DDX31: variants seen among roughly 807,000 people sequenced by gnomAD.
DDX31 encodes the protein DEAD-box helicase 31.
DDX31 carries 70 observed loss-of-function variants against 91.3 expected under a neutral mutation model. That is an observed-to-expected ratio of 0.77 (90% CI 0.63 to 0.94). The LOEUF (loss-of-function observed/expected upper bound fraction) is 0.94. Ranked by LOEUF, DDX31 falls within the 40% of genes least tolerant of loss-of-function variation. The probability of loss-of-function intolerance (pLI) is 0.00; values close to 1 mark genes in which losing one functional copy is unlikely to be tolerated. For missense variants in DDX31, 902 were observed against 925.0 expected (o/e 0.98, Z 0.32); for synonymous variants, 362 against 350.6 (o/e 1.03, Z -0.36).
At chr9:132,647,141 AC>A in intron 11 of DDX31, 83 bp from the exon 12 acceptor site, 2 of 1,263,674 alleles carry the variant, frequency 1.6e-6, no homozygotes, top group Non-Finnish European at 2.3e-6. Flanking sequence ...TACAGCACCC[AC>A]CCATGTATGT....
intron 13 of DDX31, among the ~76,000 whole-genome samples, chr9:132,643,470 G>A (rs1031685393): frequency 3.3e-5 from 5 of 152,244 alleles, no homozygotes; most frequent in African/African-American, 1.2e-4. Flanking sequence ...CGTAGATTTT[G>A]TCCATGGCTG....
intron 6 of DDX31, among the ~76,000 whole-genome samples, chr9:132,653,074 T>C (rs1297826523): frequency 2.0e-5 from 3 of 149,352 alleles, no homozygotes; most frequent in African/African-American, 4.9e-5. Context: ...AATTAGAAAA[T>C]AGGAAACAAA....
intron 18 of DDX31, among the ~76,000 whole-genome samples, chr9:132,617,601 C>A (rs1005613576): frequency 6.6e-6 from 1 of 152,158 alleles, no homozygotes; most frequent in Non-Finnish European, 1.5e-5. Context: ...CTCAAAATAG[C>A]AGGCAACTAA....
Position 132,669,893 on chromosome 9 carries a change from C to T in DDX31, c.42G>A (p.Thr14=). The part of the protein sequence containing the change: ...ADGSLFDNPR[T]FSRRPPAQAS... ...CCTGGGCTGGGGGACGTCTGGAGAA[C>T]GTCCTGGGGTTGTCGAAGAGCGAAC... The change falls in exon 1 of 20, where the codon ACG becomes ACA. Residue 14 remains threonine, a synonymous_variant. Transcript: ENST00000372159. 6 of 1,596,466 alleles carry T rather than the reference C, an allele frequency of 3.8e-6. No homozygotes were observed. The highest frequency in any genetic ancestry group is 5.1e-6 in the Non-Finnish European group (6 of 1,172,520).
intron 14 of DDX31, chr9:132,638,315 T>C: frequency 1.9e-6 from 3 of 1,613,976 alleles, no homozygotes; most frequent in Non-Finnish European, 2.5e-6. Flanking sequence ...AACATAATGA[T>C]GGTATTAAAA....
chr9:132,638,193 C>A, intron 14 of DDX31: 1 of 1,470,716 alleles, frequency 6.8e-7, no homozygotes, highest in East Asian at 2.5e-5. Context: ...CATCCAGGGA[C>A]AATCAAGGAC....
chr9:132,601,422 G>C (rs1264178940), intron 19 of DDX31, among the ~76,000 whole-genome samples: 1 of 152,214 alleles, frequency 6.6e-6, no homozygotes, highest in Non-Finnish European at 1.5e-5. Flanking sequence ...CCAGTGGACA[G>C]TGGTGCCATC....
At chr9:132,650,213 A>G (rs376555427) in intron 9 of DDX31, 21 bp downstream of exon 9, 8 of 1,612,924 alleles carry the variant, frequency 5.0e-6, no homozygotes, top group Non-Finnish European at 6.8e-6. Context: ...AGGAAACAAC[A>G]ACCAACAAAC....
intron 17 of DDX31, among the ~76,000 whole-genome samples, chr9:132,619,015 C>A (rs1276863802): frequency 6.6e-6 from 1 of 152,190 alleles, no homozygotes; most frequent in Non-Finnish European, 1.5e-5. Context: ...TGGCCAGGAA[C>A]CTATTAAGGA....
chr9:132,650,842 A>G (rs1020938804), intron 8 of DDX31, among the ~76,000 whole-genome samples: 2 of 152,224 alleles, frequency 1.3e-5, no homozygotes, highest in African/African-American at 4.8e-5. Flanking sequence ...GCTAGTGACT[A>G]TGATGAACAA....
intron 13 of DDX31, among the ~76,000 whole-genome samples, chr9:132,643,139 C>T (rs1833603840): frequency 6.6e-6 from 1 of 152,178 alleles, no homozygotes; most frequent in African/African-American, 2.4e-5. Flanking sequence ...TTTAATATTG[C>T]AATCAATGCT....
chr9:132,638,030 GAGA>G, intron 14 of DDX31: 2 of 1,160,602 alleles, frequency 1.7e-6, no homozygotes, highest in South Asian at 5.1e-5. Context: ...AAAAAATACG[GAGA>G]AGGTGGAGGA....
chr9:132,602,911 C>T (rs1209567669), intron 19 of DDX31, among the ~76,000 whole-genome samples: 1 of 152,180 alleles, frequency 6.6e-6, no homozygotes, highest in African/African-American at 2.4e-5. Context: ...TGCTATTTCA[C>T]CCAATACAGA....
Position 132,632,095 on chromosome 9 carries a change from T to TA in DDX31, c.1441-5dup, listed in dbSNP as rs1324557030. On this transcript the variant is annotated splice_polypyrimidine_tract_variant and splice_region_variant and intron_variant, in intron 14 of 19. Coordinates refer to ENST00000372159, the MANE Select transcript of DDX31 (RefSeq NM_022779.9). ...CTAAGCCCCGAGCTGCAACATCCTT[T>TA]AACAAAGAAAAGAATATGGTTTAAC... 14 of 1,612,358 alleles carry TA rather than the reference T, an allele frequency of 8.7e-6. No homozygotes were observed. The highest frequency in any genetic ancestry group is 1.2e-5 in the Non-Finnish European group (14 of 1,179,044).
At chr9:132,629,931 T>C (rs982643224) in intron 16 of DDX31, among the ~76,000 whole-genome samples, 1 of 152,330 alleles carries the variant, frequency 6.6e-6, no homozygotes, top group South Asian at 2.1e-4. Flanking sequence ...AAACCATTAA[T>C]TGCAAGAAAT....
intron 14 of DDX31, among the ~76,000 whole-genome samples, chr9:132,640,187 G>A (rs1356408976): frequency 6.6e-6 from 1 of 152,170 alleles, no homozygotes; most frequent in Non-Finnish European, 1.5e-5. Context: ...AGAAACGTAG[G>A]GTGCATTGGG....
chr9:132,632,145 G>T (rs374721647), intron 14 of DDX31, 54 bp from the exon 15 acceptor site: 6 of 1,545,622 alleles, frequency 3.9e-6, no homozygotes, highest in Non-Finnish European at 5.3e-6. Flanking sequence ...CCTTTCTGGG[G>T]TCCTGGATAT....
chr9:132,655,263 C>T (rs917044146), intron 6 of DDX31, among the ~76,000 whole-genome samples: 20 of 137,684 alleles, frequency 1.5e-4, no homozygotes, highest in Non-Finnish European at 2.5e-4. Flanking sequence ...CAGTAATTCA[C>T]GGTACATACA....
intron 16 of DDX31, among the ~76,000 whole-genome samples, chr9:132,629,486 C>T (rs372580240): frequency 6.6e-6 from 1 of 152,226 alleles, no homozygotes; most frequent in African/African-American, 2.4e-5. Context: ...CAGCCACACA[C>T]GGCTCCTGCA....
Sources: gnomAD v4.1 joint callset for allele counts (sites outside exome capture counted in the v4.1 genomes callset) on GRCh38, gnomAD v4.1.1 for gene constraint, MANE v1.5 for transcripts, NCBI Gene and HGNC (gene_info 2026-07-23, HGNC 2026-07-21) for gene names.